The following EYS variants were observed in gnomAD, a reference collection of about 807,000 sequenced individuals.
The protein encoded by EYS is protein eyes shut homolog.
In EYS, 250 loss-of-function variants were observed where a neutral mutation model predicts 282.1. The ratio of observed to expected loss-of-function variants is 0.89; its 90% CI spans 0.80 to 0.98. EYS has a LOEUF of 0.98. EYS is among the 50% of genes least tolerant of loss of function. EYS has a pLI of 0.00. For missense variants in EYS, 4,016 were observed against 3,709.0 expected (o/e 1.08, Z -2.15); for synonymous variants, 1,355 against 1,282.9 (o/e 1.06, Z -1.20).
chr6:65,602,962 T>A (rs1360019492), intron 2 of EYS, among the ~76,000 whole-genome samples: 1 of 151,984 alleles, frequency 6.6e-6, no homozygotes, highest in African/African-American at 2.4e-5. Flanking sequence ...AGTAGTAGAC[T>A]GATTGTAAGC....
intron 12 of EYS, among the ~76,000 whole-genome samples, chr6:65,193,810 G>T (rs919414292): frequency 6.6e-6 from 1 of 151,766 alleles, no homozygotes; most frequent in African/African-American, 2.4e-5. Flanking sequence ...AAATTTGGGG[G>T]ATGCTCAGAG....
chr6:65,367,934 C>T (rs565767450), intron 8 of EYS, among the ~76,000 whole-genome samples: 2 of 151,706 alleles, frequency 1.3e-5, no homozygotes, highest in South Asian at 4.1e-4. Flanking sequence ...TCTCATACTG[C>T]TAATAAAGAC....
At chr6:63,878,398 T>G (rs2149716768) in intron 35 of EYS, among the ~76,000 whole-genome samples, 1 of 152,246 alleles carries the variant, frequency 6.6e-6, no homozygotes, top group African/African-American at 2.4e-5. Context: ...CTGGGAGGTG[T>G]CTTCCAGTTA....
chr6:65,690,654 G>A (rs189966535), intron 1 of EYS, among the ~76,000 whole-genome samples: 1 of 148,946 alleles, frequency 6.7e-6, no homozygotes, highest in Non-Finnish European at 1.5e-5. Context: ...TTATTCCGTA[G>A]CAATAGTTTC....
chr6:64,317,578 G>C (rs182258191), intron 29 of EYS, among the ~76,000 whole-genome samples: 269 of 151,716 alleles, frequency 1.8e-3, no homozygotes, highest in African/African-American at 6.3e-3. Context: ...TACACTGTTG[G>C]TGGGAGTGTA....
At chr6:64,003,608 T>A (rs1390501249) in intron 33 of EYS, among the ~76,000 whole-genome samples, 4 of 152,176 alleles carry the variant, frequency 2.6e-5, no homozygotes, top group Non-Finnish European at 5.9e-5. Flanking sequence ...TAAAAAAAAA[T>A]TCCTCAAACT....
intron 22 of EYS, among the ~76,000 whole-genome samples, chr6:64,678,982 C>CA (rs71551600): frequency 0.063 from 5,104 of 80,538 alleles, 109 homozygotes; most frequent in East Asian, 0.19. Flanking sequence ...GACTCCCTCT[C>CA]AAAAAAAAAA....
chr6:65,296,762 A>T (rs1479225582), intron 11 of EYS, among the ~76,000 whole-genome samples: 1 of 151,838 alleles, frequency 6.6e-6, no homozygotes, highest in African/African-American at 2.4e-5. Context: ...AGATTTTCCC[A>T]TAGTAATTTC....
chr6:65,211,067 G>C (rs1766165154), intron 12 of EYS, among the ~76,000 whole-genome samples: 1 of 151,966 alleles, frequency 6.6e-6, no homozygotes, highest in African/African-American at 2.4e-5. Flanking sequence ...ATGTAAAATG[G>C]GGAAGTGTTT....
intron 12 of EYS, among the ~76,000 whole-genome samples, chr6:65,154,579 A>T (rs1460601443): frequency 2.0e-5 from 3 of 151,716 alleles, no homozygotes; most frequent in African/African-American, 7.2e-5. Context: ...ATAATTATTA[A>T]TATATCTCTT....
intron 26 of EYS, among the ~76,000 whole-genome samples, chr6:64,443,942 C>A (rs1241803922): frequency 6.6e-6 from 1 of 152,142 alleles, no homozygotes; most frequent in Non-Finnish European, 1.5e-5. Context: ...AGACATTTTT[C>A]TTTTTGACTT....
In EYS at chr6:64,902,390, T is replaced by C; in HGVS notation, c.2738+14A>G. The stretch of plus-strand genomic sequence containing the variant: ...CATAAACATGTATCTAGATACTTTT[T>C]AAGTTTTCTGTACCTGAAATTGTTG... On this transcript the variant is annotated intron_variant, in intron 17 of 42. Transcript: ENST00000503581. The C allele has an allele frequency of 6.6e-7, 1 of 1,515,996 alleles. No homozygotes were observed. The highest frequency in any genetic ancestry group is 1.4e-5 in the African/African-American group (1 of 71,694). The allele number at this position is 1,515,996 out of a possible 1,614,324, so 93.9% of individuals were successfully genotyped here.
chr6:65,285,857 G>A (rs1768348307), intron 12 of EYS, among the ~76,000 whole-genome samples: 1 of 151,792 alleles, frequency 6.6e-6, no homozygotes, highest in African/African-American at 2.4e-5. Flanking sequence ...TAAAAAATCA[G>A]GAGAAAAAGT....
At chr6:65,667,517 A>T (rs541541306) in intron 1 of EYS, among the ~76,000 whole-genome samples, 9 of 151,922 alleles carry the variant, frequency 5.9e-5, no homozygotes, top group Admixed American at 3.3e-4. Context: ...TATGATTCAG[A>T]TCTTAACTCA....
At chr6:65,167,300 C>A (rs1764995668) in intron 12 of EYS, among the ~76,000 whole-genome samples, 1 of 151,262 alleles carries the variant, frequency 6.6e-6, no homozygotes, top group Non-Finnish European at 1.5e-5. Flanking sequence ...GGGAATATAT[C>A]CAACAGTTAT....
chr6:63,723,261 AAG>A (rs1221336849), intron 42 of EYS, among the ~76,000 whole-genome samples: 1 of 152,200 alleles, frequency 6.6e-6, no homozygotes. Context: ...ACTATAAGGA[AAG>A]AGAAGCAACA....
intron 15 of EYS, among the ~76,000 whole-genome samples, chr6:64,932,053 A>G (rs1251439518): frequency 6.6e-6 from 1 of 152,156 alleles, no homozygotes; most frequent in East Asian, 1.9e-4. Context: ...AGAACTGTGT[A>G]AATGAACTAA....
chr6:63,994,227 C>T (rs1034168651), intron 34 of EYS, among the ~76,000 whole-genome samples: 2 of 151,816 alleles, frequency 1.3e-5, no homozygotes, highest in African/African-American at 4.8e-5. Flanking sequence ...AACAAGTATG[C>T]CACACTGCTT....
chr6:64,025,062 C>T (rs981329867), intron 33 of EYS, among the ~76,000 whole-genome samples: 3 of 152,098 alleles, frequency 2.0e-5, no homozygotes, highest in Admixed American at 6.5e-5. Context: ...GCAGTGAGTA[C>T]CATCAGACGC....
Sources: allele counts gnomAD v4.1 joint callset (sites outside exome capture counted in the v4.1 genomes callset), GRCh38; gene constraint gnomAD v4.1.1; transcripts MANE v1.5; gene names NCBI Gene and HGNC (gene_info 2026-07-23, HGNC 2026-07-21).